LIMS1: variants seen among roughly 807,000 people sequenced by gnomAD.
The protein encoded by LIMS1 is LIM zinc finger domain containing 1, also known as LIM and senescent cell antigen-like-containing domain protein 1.
LIMS1 carries 18 observed loss-of-function variants against 44.1 expected under a neutral mutation model. The ratio of observed to expected loss-of-function variants is 0.41; its 90% CI spans 0.28 to 0.61. The LOEUF (loss-of-function observed/expected upper bound fraction) is 0.61, where lower values mean the gene tolerates loss of function less well. LIMS1 is among the 20% of genes least tolerant of loss of function. The pLI, the probability that LIMS1 is intolerant of heterozygous loss-of-function variation, is 0.32. For missense variants in LIMS1, 201 were observed against 422.0 expected, an observed-to-expected ratio of 0.48 and a Z score of 4.59; for synonymous variants, 93 against 149.1, an observed-to-expected ratio of 0.62 and a Z score of 2.74.
intron 1 of LIMS1, among the ~76,000 whole-genome samples, chr2:108,551,095 C>G (rs1328281731): frequency 1.3e-5 from 2 of 152,046 alleles, no homozygotes; most frequent in Non-Finnish European, 2.9e-5. Context: ...CCACTGCACT[C>G]CAGCCTGGGC....
chr2:108,671,373 T>C (rs1692150658), intron 3 of LIMS1, among the ~76,000 whole-genome samples: 2 of 152,042 alleles, frequency 1.3e-5, no homozygotes, highest in Admixed American at 1.3e-4. Flanking sequence ...GTAGAGGTAT[T>C]TTGGGATGAA....
Position 108,569,763 on chromosome 2 carries a change from G to GC in LIMS1, c.32+35170dup, listed in dbSNP as rs202200021. Reference sequence around the variant, plus strand: ...TTACAAACACTCACCGCCATATCTGGCTTTTTTTTTTTTTTTTTTTAGTGA... The same window carrying GC: ...TTACAAACACTCACCGCCATATCTGGCCTTTTTTTTTTTTTTTTTTTAGTGA... On this transcript the variant is annotated intron_variant, in intron 1 of 9. Coordinates refer to ENST00000544547, the Ensembl canonical transcript of LIMS1. Among the ~76,000 whole-genome samples the GC allele has an allele frequency of 4.0e-4, 27 of 68,350 alleles. 2 individuals are homozygous for GC. Among genetic ancestry groups the GC allele is most frequent in the East Asian group, 8.5e-3 (1 of 118 alleles). The allele number at this position is 68,350 out of a possible 152,430, so 44.8% of individuals were successfully genotyped here. A position where few individuals can be genotyped will look rare whatever the true frequency, so the allele number is the denominator to read the frequency against.
At chr2:108,593,277 C>T (rs1282594899) in intron 1 of LIMS1, among the ~76,000 whole-genome samples, 1 of 152,152 alleles carries the variant, frequency 6.6e-6, no homozygotes. Context: ...CCAAGCCTCC[C>T]ACTGTGTGAC....
At chr2:108,631,229 C>T (rs1364891961) in intron 1 of LIMS1, among the ~76,000 whole-genome samples, 1 of 152,156 alleles carries the variant, frequency 6.6e-6, no homozygotes, top group Non-Finnish European at 1.5e-5. Context: ...TCCGCCCTTC[C>T]CTTCCTAGTT....
At chr2:108,605,582 T>C (rs1248672003) in intron 1 of LIMS1, among the ~76,000 whole-genome samples, 4 of 152,166 alleles carry the variant, frequency 2.6e-5, no homozygotes, top group Non-Finnish European at 5.9e-5. Context: ...TCCAAAAATG[T>C]CTGCCCAGTA....
intron 1 of LIMS1, among the ~76,000 whole-genome samples, chr2:108,584,919 A>T (rs144330448): frequency 6.6e-6 from 1 of 152,204 alleles, no homozygotes; most frequent in African/African-American, 2.4e-5. Flanking sequence ...CGGGAGGCCA[A>T]GATGGGCAGA....
chr2:108,581,709 A>C (rs1685892432), intron 1 of LIMS1, among the ~76,000 whole-genome samples: 2 of 152,108 alleles, frequency 1.3e-5, no homozygotes, highest in Admixed American at 1.3e-4. Context: ...AGGCCGAGGC[A>C]GGCAGATCAC....
At chr2:108,650,684 C>G (rs916187042) in intron 1 of LIMS1, among the ~76,000 whole-genome samples, 1 of 152,148 alleles carries the variant, frequency 6.6e-6, no homozygotes, top group Non-Finnish European at 1.5e-5. Context: ...CCTCGGCCTC[C>G]CAAAGTGCAG....
At chr2:108,572,115 T>C (rs1018771222) in intron 1 of LIMS1, among the ~76,000 whole-genome samples, 2 of 152,162 alleles carry the variant, frequency 1.3e-5, no homozygotes, top group Non-Finnish European at 2.9e-5. Context: ...CTAGAAAAGT[T>C]ATTTTGAAAG....
intron 1 of LIMS1, among the ~76,000 whole-genome samples, chr2:108,573,644 C>A (rs1056078410): frequency 2.6e-5 from 4 of 152,124 alleles, no homozygotes; most frequent in Admixed American, 1.3e-4. Flanking sequence ...CAGCAGAAAG[C>A]AGAGCAGACA....
chr2:108,672,242 A>G, intron 3 of LIMS1, 83 bp from the exon 4 acceptor site: 2 of 1,237,368 alleles, frequency 1.6e-6, no homozygotes, highest in Middle Eastern at 2.8e-4. Flanking sequence ...TTTTTCCTTA[A>G]TTACTCTCTC....
rs185545270 is a variant in LIMS1 at position 108,662,605 on chromosome 2, A to G, written c.192+2841A>G. The G allele has an allele frequency of 4.8e-3, 4,962 of 1,024,680 alleles. 24 individuals carry two copies. Among genetic ancestry groups the G allele is most frequent in the South Asian group, 6.6e-3 (263 of 39,686 alleles). 63.5% of individuals were successfully genotyped at this position (1,024,680 alleles called of 1,614,324 possible). On this transcript the variant is annotated intron_variant, in intron 2 of 9. Coordinates refer to ENST00000544547, the Ensembl canonical transcript of LIMS1. ...TGTAAACCTGCATCTGGAGAATAAG[A>G]CATTTCTTTTTGGTTAAATGATATT...
At chr2:108,628,065 G>C (rs886096831) in intron 1 of LIMS1, among the ~76,000 whole-genome samples, 1 of 152,208 alleles carries the variant, frequency 6.6e-6, no homozygotes, top group Admixed American at 6.5e-5. Context: ...CCAAGCACCA[G>C]GCTTTGCCTG....
chr2:108,602,306 C>T (rs1442765340), intron 1 of LIMS1, among the ~76,000 whole-genome samples: 1 of 152,114 alleles, frequency 6.6e-6, no homozygotes, highest in East Asian at 1.9e-4. Context: ...CTCTGATTGC[C>T]CTAGCTAGCA....
intron 1 of LIMS1, among the ~76,000 whole-genome samples, chr2:108,605,981 C>T (rs116095695): frequency 0.017 from 2,572 of 152,322 alleles, 37 homozygotes; most frequent in Non-Finnish European, 0.025. Flanking sequence ...GCAACCAGGC[C>T]TGGGGGCCAG....
chr2:108,675,950 G>T, exon 6 of LIMS1: 1 of 1,614,010 alleles, frequency 6.2e-7, no homozygotes, highest in Non-Finnish European at 8.5e-7. Flanking sequence ...ATAAAATGGG[G>T]GTCCCCATCT....
At chr2:108,683,916 G>A (rs1456225629) in exon 10 of LIMS1, 6 of 1,598,818 alleles carry the variant, frequency 3.8e-6, no homozygotes, top group Non-Finnish European at 5.1e-6. Context: ...CATGAAGCCA[G>A]TCTGTAAGAA....
intron 1 of LIMS1, among the ~76,000 whole-genome samples, chr2:108,584,105 C>G (rs897901859): frequency 6.6e-6 from 1 of 152,104 alleles, no homozygotes; most frequent in Non-Finnish European, 1.5e-5. Flanking sequence ...TGGAGATAAC[C>G]CAGGGTTGTA....
At chr2:108,649,460 C>T (rs1405773165) in intron 1 of LIMS1, among the ~76,000 whole-genome samples, 1 of 152,184 alleles carries the variant, frequency 6.6e-6, no homozygotes, top group Non-Finnish European at 1.5e-5. Context: ...TTTGACCCAG[C>T]AATCCCATTA....
Sources: allele counts gnomAD v4.1 joint callset (sites outside exome capture counted in the v4.1 genomes callset), GRCh38; gene constraint gnomAD v4.1.1; transcripts MANE v1.5; gene names NCBI Gene and HGNC (gene_info 2026-07-23, HGNC 2026-07-21).